INPP4B: variants seen among roughly 807,000 people sequenced by gnomAD.
The protein encoded by INPP4B is inositol polyphosphate 4-phosphatase type II.
In INPP4B, 55 loss-of-function variants were observed where a neutral mutation model predicts 122.5. The observed-to-expected ratio is 0.45, with a 90% confidence interval of 0.36 to 0.56. INPP4B has a LOEUF of 0.56. Among genes scored for constraint, INPP4B ranks in the 20% least tolerant of loss-of-function variants. INPP4B has a pLI of 0.00. For missense variants in INPP4B, 1,000 were observed against 1,097.7 expected (o/e 0.91, Z 1.26); for synonymous variants, 403 against 388.7 (o/e 1.04, Z -0.43).
intron 2 of INPP4B, among the ~76,000 whole-genome samples, chr4:142,652,954 T>G (rs991060361): frequency 1.3e-5 from 2 of 152,156 alleles, no homozygotes; most frequent in Non-Finnish European, 2.9e-5. Flanking sequence ...GGAGGCATCA[T>G]GCTACCTGAC....
intron 2 of INPP4B, among the ~76,000 whole-genome samples, chr4:142,663,678 CATTT>C (rs150315460): frequency 0.12 from 18,027 of 151,770 alleles, 1,169 homozygotes; most frequent in South Asian, 0.16. Context: ...TTTAATAGAC[CATTT>C]ATTTTTCATA....
chr4:142,190,784 G>A (rs1332436604), intron 15 of INPP4B, among the ~76,000 whole-genome samples: 1 of 151,576 alleles, frequency 6.6e-6, no homozygotes, highest in Non-Finnish European at 1.5e-5. Context: ...AGTGAAAAGT[G>A]AAGAAAAATG....
Position 142,314,698 on chromosome 4 carries a change from T to A in INPP4B, c.423+14A>T. The A allele has an allele frequency of 6.2e-7, 1 of 1,601,468 alleles. No homozygotes were observed. Among genetic ancestry groups the A allele is most frequent in the South Asian group, 1.1e-5 (1 of 87,438 alleles). The stretch of plus-strand genomic sequence containing the variant: ...GTGATGTGTGTGCCTTCTGGAAACG[T>A]TAGAAACACTTACCCCAACTTCTGG... On this transcript the variant is annotated intron_variant, in intron 8 of 25. Coordinates refer to ENST00000262992, the MANE Select transcript of INPP4B (RefSeq NM_001101669.3).
At chr4:142,251,279 A>G (rs1731890573) in intron 11 of INPP4B, among the ~76,000 whole-genome samples, 1 of 152,204 alleles carries the variant, frequency 6.6e-6, no homozygotes, top group Non-Finnish European at 1.5e-5. Context: ...TATAGTATAG[A>G]TGATTTTGGT....
At chr4:142,801,422 GAA>G (rs934365936) in intron 1 of INPP4B, among the ~76,000 whole-genome samples, 2 of 152,138 alleles carry the variant, frequency 1.3e-5, no homozygotes, top group African/African-American at 4.8e-5. Context: ...ATAAGAAGAG[GAA>G]ATTTAGATAC....
chr4:142,209,022 G>C lies in INPP4B; in HGVS notation c.841C>G (p.Gln281Glu). 1.3e-6 allele frequency: 2 copies of C among 1,597,904 alleles called. No individual in the cohort carries two copies. The highest frequency in any genetic ancestry group is 1.1e-5 in the South Asian group (1 of 88,324). ...AGCTCACCAAGTTCTTTTATCTCCT[G>C]GTTTCTGTTAAGAGTGGAAGAGAAG... is the stretch of plus-strand genomic sequence containing the variant. The part of the protein sequence containing the change: ...LHIKEDLCRN[Q>E]EIKELGELSP... The change falls in exon 13 of 26, where the codon CAG (glutamine) becomes GAG (glutamate). Residue 281 changes from glutamine to glutamate, a missense_variant. Physicochemically the swap from Gln to Glu is conservative, Grantham distance 29 (BLOSUM62 2). Transcript: ENST00000262992.
At chr4:142,781,252 C>T (rs1386391721) in intron 1 of INPP4B, among the ~76,000 whole-genome samples, 2 of 151,694 alleles carry the variant, frequency 1.3e-5, no homozygotes, top group East Asian at 3.9e-4. Flanking sequence ...AGTACTTCTC[C>T]CTCCACATCA....
chr4:142,604,033 T>A lies in INPP4B; in HGVS notation c.-191+121806A>T, dbSNP rs578033279. On this transcript the variant is annotated intron_variant, in intron 2 of 25. Transcript: ENST00000262992. ...ATGTCTAGAAGATAATACAACATGATCAAGTTGAATTTATCCCAGAAATGC... is the reference window on the plus strand; with the variant it reads ...ATGTCTAGAAGATAATACAACATGAACAAGTTGAATTTATCCCAGAAATGC... 2.1e-4 allele frequency among the ~76,000 whole-genome samples: 32 copies of A among 152,146 alleles called. No individual in the cohort carries two copies. The South Asian group carries it at 6.7e-3, about 32-fold the overall frequency.
chr4:142,742,117 C>A (rs559257237), intron 1 of INPP4B, among the ~76,000 whole-genome samples: 59 of 152,026 alleles, frequency 3.9e-4, no homozygotes, highest in Middle Eastern at 3.4e-3. Context: ...AGATTTCCTT[C>A]ACCAAAACAG....
At chr4:142,522,149 T>A (rs1826166461) in intron 2 of INPP4B, among the ~76,000 whole-genome samples, 1 of 152,132 alleles carries the variant, frequency 6.6e-6, no homozygotes, top group Non-Finnish European at 1.5e-5. Flanking sequence ...TGATTTTATT[T>A]ACCATTTCTT....
At chr4:142,076,739 GA>G (rs1770952678) in intron 25 of INPP4B, among the ~76,000 whole-genome samples, 1 of 151,746 alleles carries the variant, frequency 6.6e-6, no homozygotes, top group African/African-American at 2.4e-5. Context: ...CTTAAAGTAT[GA>G]TAATAATAAA....
intron 1 of INPP4B, among the ~76,000 whole-genome samples, chr4:142,825,229 C>A (rs1781313591): frequency 6.6e-6 from 1 of 152,066 alleles, no homozygotes; most frequent in Non-Finnish European, 1.5e-5. Flanking sequence ...GTGGTTACTA[C>A]AATTACTATA....
chr4:142,522,040 G>C (rs1361416923), intron 2 of INPP4B, among the ~76,000 whole-genome samples: 1 of 152,086 alleles, frequency 6.6e-6, no homozygotes, highest in African/African-American at 2.4e-5. Flanking sequence ...TTGACTGGCT[G>C]TGTGCTTTGG....
At position 142,025,090 on chromosome 4, in the gene INPP4B, AAAG is replaced by A. The variant is rs1369271985; in HGVS notation, c.*3689_*3691del. 6.6e-6 allele frequency: 1 copy of A among 152,166 alleles called. No individual in the cohort carries two copies. Among genetic ancestry groups the A allele is most frequent in the Non-Finnish European group, 1.5e-5 (1 of 68,028 alleles). 9.4% of individuals were successfully genotyped at this position (152,166 alleles called of 1,614,324 possible). ...AATAATTTATTTCCTAATAAAAAAA[AAAG>A]AATATGGCATTCATTGTGTGCTGGT... On this transcript the variant is annotated 3_prime_UTR_variant, in exon 26 of 26. Coordinates refer to ENST00000262992, the MANE Select transcript of INPP4B (RefSeq NM_001101669.3).
intron 1 of INPP4B, among the ~76,000 whole-genome samples, chr4:142,732,155 G>A (rs1360506127): frequency 2.6e-5 from 4 of 152,094 alleles, no homozygotes; most frequent in Non-Finnish European, 4.4e-5. Context: ...TTATTTTATA[G>A]ATATAAAAAC....
At chr4:142,288,743 G>T (rs1213963869) in intron 9 of INPP4B, among the ~76,000 whole-genome samples, 1 of 151,966 alleles carries the variant, frequency 6.6e-6, no homozygotes, top group Non-Finnish European at 1.5e-5. Flanking sequence ...CAGCGATATA[G>T]TATTGGGTAA....
At chr4:142,056,332 T>C (rs1411004500) in intron 25 of INPP4B, among the ~76,000 whole-genome samples, 1 of 152,134 alleles carries the variant, frequency 6.6e-6, no homozygotes, top group African/African-American at 2.4e-5. Context: ...TGAGAGAGGC[T>C]TGAACTCTCT....
chr4:142,276,289 A>G (rs1325952271), intron 9 of INPP4B, among the ~76,000 whole-genome samples: 3 of 151,816 alleles, frequency 2.0e-5, no homozygotes, highest in African/African-American at 7.3e-5. Context: ...TTTCCTATTA[A>G]AAGTCCTTAG....
At chr4:142,843,824 C>G (rs1783853871) in intron 1 of INPP4B, among the ~76,000 whole-genome samples, 1 of 151,886 alleles carries the variant, frequency 6.6e-6, no homozygotes, top group Non-Finnish European at 1.5e-5. Flanking sequence ...CTTGGGTTCT[C>G]CCTCAAGGTA....
Sources: gnomAD v4.1 joint callset for allele counts (sites outside exome capture counted in the v4.1 genomes callset) on GRCh38, gnomAD v4.1.1 for gene constraint, MANE v1.5 for transcripts, NCBI Gene and HGNC (gene_info 2026-07-23, HGNC 2026-07-21) for gene names.